The following ABHD2 variants were observed in gnomAD, a reference collection of about 807,000 sequenced individuals.
ABHD2 encodes monoacylglycerol lipase ABHD2.
A neutral mutation model predicts 48.1 loss-of-function variants in ABHD2; 20 were observed. That is an observed-to-expected ratio of 0.42 (90% CI 0.29 to 0.60). The LOEUF is 0.60. Among genes scored for constraint, ABHD2 ranks in the 20% least tolerant of loss-of-function variants. The pLI, the probability that ABHD2 is intolerant of heterozygous loss-of-function variation, is 0.24. For missense variants in ABHD2, 405 were observed against 550.9 expected (o/e 0.74, Z 2.65); for synonymous variants, 209 against 214.2 (o/e 0.98, Z 0.21).
At chr15:89,078,096 T>G in the ABHD2 span, among the ~76,000 whole-genome samples, 1 of 152,220 alleles carries the variant, frequency 6.6e-6, no homozygotes, top group African/African-American at 2.4e-5. Context: ...CCCTTCTCTC[T>G]TTCTTGCACC....
chr15:89,063,341 T>A, the ABHD2 span, among the ~76,000 whole-genome samples: 1 of 152,090 alleles, frequency 6.6e-6, no homozygotes, highest in Non-Finnish European at 1.5e-5. Flanking sequence ...TTATTACATA[T>A]GAAAAATTTG....
At chr15:89,170,508 G>T (rs2050908015) in intron 5 of ABHD2, among the ~76,000 whole-genome samples, 1 of 152,052 alleles carries the variant, frequency 6.6e-6, no homozygotes, top group South Asian at 2.1e-4. Flanking sequence ...ATGCTGCAGT[G>T]AACATTCTTG....
chr15:89,143,310 T>G (rs576435674), intron 3 of ABHD2, among the ~76,000 whole-genome samples: 1 of 152,258 alleles, frequency 6.6e-6, no homozygotes, highest in African/African-American at 2.4e-5. Context: ...GTTGATTCTT[T>G]GAACGAACCA....
At position 89,151,685 on chromosome 15, in the gene ABHD2, C is replaced by T; in HGVS notation, c.203C>T (p.Pro68Leu). 1 of 1,613,632 alleles carries T rather than the reference C, an allele frequency of 6.2e-7. No individual in the cohort carries two copies. Among genetic ancestry groups the T allele is most frequent in the Non-Finnish European group, 8.5e-7 (1 of 1,179,716 alleles). Residue 68 changes from proline to leucine, a missense_variant, in exon 4 of 11, where the codon CCA (proline) becomes CTA (leucine). Pro to Leu is a moderately conservative substitution (Grantham distance 98, BLOSUM62 -3). Transcript: ENST00000352732. The surrounding 1 kb of genome is among the most constrained non-coding windows in gnomAD (Gnocchi z 4.7). Reference sequence around the variant, plus strand: ...CCTTGTCCTTTCTTTAGATACATTCCACCGTTGATCTGGGGGAAAAGTGGA... The same window carrying T: ...CCTTGTCCTTTCTTTAGATACATTCTACCGTTGATCTGGGGGAAAAGTGGA... ...SCPLLTKEYI[P>L]PLIWGKSGHI...
At chr15:89,136,357 C>A in intron 3 of ABHD2, 1 of 524,154 alleles carries the variant, frequency 1.9e-6, no homozygotes, top group South Asian at 1.4e-5. Flanking sequence ...TTCCACCTCT[C>A]TGAGCACTTC....
At position 89,176,086 on chromosome 15, in the gene ABHD2, G is replaced by C; in HGVS notation, c.722+91G>C. The C allele has an allele frequency of 7.4e-7, 1 of 1,354,566 alleles. No individual in the cohort carries two copies. The allele number at this position is 1,354,566 out of a possible 1,614,324, so 83.9% of individuals were successfully genotyped here. Reference sequence around the variant, plus strand: ...ACAACACACTGTTCTGTGAAGACCGGGGAACACTGTGGCCGACTGAGTAGA... The same window carrying C: ...ACAACACACTGTTCTGTGAAGACCGCGGAACACTGTGGCCGACTGAGTAGA... On this transcript the variant is annotated intron_variant, in intron 6 of 10. Coordinates refer to ENST00000352732, the MANE Select transcript of ABHD2 (RefSeq NM_152924.5). This position sits in a 1 kb window ranked among gnomAD's most constrained non-coding sequence, Gnocchi z 4.5.
In ABHD2 at chr15:89,164,073, G is replaced by A. The variant is rs1464321820; in HGVS notation, c.538+8539G>A. Among the ~76,000 whole-genome samples, 1 of 152,340 alleles carries A rather than the reference G, an allele frequency of 6.6e-6. No homozygotes were observed. The highest frequency in any genetic ancestry group is 2.1e-4 in the South Asian group (1 of 4,826). On this transcript the variant is annotated intron_variant, in intron 5 of 10. Transcript: ENST00000352732. This position sits in a 1 kb window ranked among gnomAD's most constrained non-coding sequence, Gnocchi z 5.0. ...AAGAGCATCTCAGAGCCACAGAATT[G>A]GACCTGTGGGTTTGGTCTTTGATCT... is the stretch of plus-strand genomic sequence containing the variant.
chr15:89,054,023 C>G, the ABHD2 span, among the ~76,000 whole-genome samples: 1 of 151,992 alleles, frequency 6.6e-6, no homozygotes, highest in Non-Finnish European at 1.5e-5. Flanking sequence ...ATAGACAAGC[C>G]AAAACAAGAA....
intron 1 of ABHD2, among the ~76,000 whole-genome samples, chr15:89,110,521 C>T (rs1567071140): frequency 6.6e-6 from 1 of 151,956 alleles, no homozygotes; most frequent in Non-Finnish European, 1.5e-5. Context: ...TTTATCTAAG[C>T]TTCTAAAGTA....
rs2050809335 is a variant in ABHD2, at chr15:89,164,568, C to G, written c.538+9034C>G. Among the ~76,000 whole-genome samples, 1 of 152,112 alleles carries G rather than the reference C, an allele frequency of 6.6e-6. No homozygotes were observed. Among genetic ancestry groups the G allele is most frequent in the Non-Finnish European group, 1.5e-5 (1 of 68,018 alleles). ...TTGGGACGCCCAGGCTGGCAGATCA[C>G]TTGAGCCCAGGAGTTTGAGACCAGC... is the stretch of plus-strand genomic sequence containing the variant. On this transcript the variant is annotated intron_variant, in intron 5 of 10. Coordinates refer to ENST00000352732, the MANE Select transcript of ABHD2 (RefSeq NM_152924.5). The surrounding 1 kb of genome is among the most constrained non-coding windows in gnomAD (Gnocchi z 5.0).
Position 89,195,015 on chromosome 15 carries a change from G to T in ABHD2, c.1082-212G>T, listed in dbSNP as rs1461830336. Among the ~76,000 whole-genome samples, 2 of 152,188 alleles carry T rather than the reference G, an allele frequency of 1.3e-5. No individual in the cohort carries two copies. The highest frequency in any genetic ancestry group is 1.5e-5 in the Non-Finnish European group (1 of 68,036). On this transcript the variant is annotated intron_variant, in intron 10 of 10. Coordinates refer to ENST00000352732, the MANE Select transcript of ABHD2 (RefSeq NM_152924.5). This position sits in a 1 kb window ranked among gnomAD's most constrained non-coding sequence, Gnocchi z 5.1. ...GCTTTCTTCAGCTGGTGCCCATTCA[G>T]CTCCAAAGCCAAGCTGTACTCTAAA...
chr15:89,050,648 C>T, the ABHD2 span, among the ~76,000 whole-genome samples: 9 of 152,190 alleles, frequency 5.9e-5, no homozygotes, highest in Non-Finnish European at 1.2e-4. Flanking sequence ...TAGAACCCAT[C>T]TGCTGGGATG....
chr15:89,142,712 C>G (rs2150870166), intron 3 of ABHD2, among the ~76,000 whole-genome samples: 1 of 152,252 alleles, frequency 6.6e-6, no homozygotes, highest in African/African-American at 2.4e-5. Flanking sequence ...TGAGCCATCA[C>G]CACATTTGGG....
chr15:89,075,825 G>T, the ABHD2 span, among the ~76,000 whole-genome samples: 1 of 152,178 alleles, frequency 6.6e-6, no homozygotes. The surrounding 1 kb of genome is among the most constrained non-coding windows in gnomAD (Gnocchi z 4.1). Context: ...AGAGTCCATG[G>T]GGCAGGCTGT....
chr15:89,101,283 G>C (rs1422108321), intron 1 of ABHD2, among the ~76,000 whole-genome samples: 1 of 152,184 alleles, frequency 6.6e-6, no homozygotes, highest in Non-Finnish European at 1.5e-5. Context: ...TAACTCCTCT[G>C]AGCAGTGGAA....
At chr15:89,121,215 C>T (rs1747205252) in intron 3 of ABHD2, among the ~76,000 whole-genome samples, 1 of 152,152 alleles carries the variant, frequency 6.6e-6, no homozygotes, top group African/African-American at 2.4e-5. Context: ...CCCTCTGGTC[C>T]TTGGTTTCCT....
In ABHD2 at chr15:89,137,318, AC is replaced by A. The variant is rs1474143753; in HGVS notation, c.195-14358del. On this transcript the variant is annotated intron_variant, in intron 3 of 10. Coordinates refer to ENST00000352732, the MANE Select transcript of ABHD2 (RefSeq NM_152924.5). This position sits in a 1 kb window ranked among gnomAD's most constrained non-coding sequence, Gnocchi z 4.8. The stretch of plus-strand genomic sequence containing the variant: ...AAGATAGTGGGATCAGATGCATTTA[AC>A]ATGTGGATACAGTTCTGAGGGGTTT... 6.6e-6 allele frequency among the ~76,000 whole-genome samples: 1 copy of A among 152,188 alleles called. No individual in the cohort carries two copies. Among genetic ancestry groups the A allele is most frequent in the Non-Finnish European group, 1.5e-5 (1 of 68,038 alleles).
intron 7 of ABHD2, among the ~76,000 whole-genome samples, chr15:89,187,604 A>AT (rs972138535): frequency 6.6e-6 from 1 of 151,932 alleles, no homozygotes; most frequent in African/African-American, 2.4e-5. Flanking sequence ...CTCCAGATGG[A>AT]TTTTTTCTTA....
chr15:89,127,475 A>C (rs931058144), intron 3 of ABHD2, among the ~76,000 whole-genome samples: 4 of 151,864 alleles, frequency 2.6e-5, no homozygotes, highest in Non-Finnish European at 5.9e-5. Flanking sequence ...GCCATGACCA[A>C]CCTGACTTTC....
Sources: allele counts gnomAD v4.1 joint callset (sites outside exome capture counted in the v4.1 genomes callset), GRCh38; gene constraint gnomAD v4.1.1; non-coding constraint Gnocchi (gnomAD v3.1); transcripts MANE v1.5; gene names NCBI Gene and HGNC (gene_info 2026-07-23, HGNC 2026-07-21).